GPC5: variants seen among roughly 807,000 people sequenced by gnomAD.
GPC5 encodes the protein glypican-5.
Under a neutral mutation model 53.9 loss-of-function variants are expected in GPC5, and 47 were observed. That is an observed-to-expected ratio of 0.87 (90% CI 0.69 to 1.11). The LOEUF (loss-of-function observed/expected upper bound fraction) is 1.11. Among genes scored for constraint, GPC5 ranks in the 50% most tolerant of loss-of-function variants. The pLI, the probability that GPC5 is intolerant of heterozygous loss-of-function variation, is 0.00. For missense variants in GPC5, 748 were observed against 713.1 expected (o/e 1.05, Z -0.56); for synonymous variants, 286 against 263.3 (o/e 1.09, Z -0.84).
chr13:92,079,781 A>G (rs919133996), intron 6 of GPC5, among the ~76,000 whole-genome samples: 4 of 152,200 alleles, frequency 2.6e-5, no homozygotes, highest in African/African-American at 9.7e-5. Context: ...AATTGAGCTT[A>G]CATTCCCATG....
intron 7 of GPC5, among the ~76,000 whole-genome samples, chr13:92,407,997 C>A (rs1037938500): frequency 2.0e-5 from 3 of 152,172 alleles, no homozygotes; most frequent in African/African-American, 7.2e-5. Flanking sequence ...GGTCCCCAAG[C>A]CATGGCCGCC....
In GPC5 at chr13:92,012,772, TTAAAA is replaced by T. The variant is rs2040673206; in HGVS notation, c.1401+104719_1401+104723del. On this transcript the variant is annotated intron_variant, in intron 6 of 7. Coordinates refer to ENST00000377067, the MANE Select transcript of GPC5 (RefSeq NM_004466.6). ...GTTTACATTTTATTATAAAATAACT[TTAAAA>T]TAAGAATTAAGAATTACTGATGCTG... Among the ~76,000 whole-genome samples the T allele has an allele frequency of 2.6e-5, 4 of 152,330 alleles. No individual in the cohort carries two copies. The East Asian group carries it at 5.8e-4, about 22-fold the overall frequency.
At chr13:91,658,995 T>G (rs1447121390) in intron 2 of GPC5, among the ~76,000 whole-genome samples, 1 of 152,196 alleles carries the variant, frequency 6.6e-6, no homozygotes, top group Admixed American at 6.6e-5. Context: ...TGTACTGCAT[T>G]TTTTTACTAT....
chr13:92,664,234 G>T (rs1886494146), intron 7 of GPC5, among the ~76,000 whole-genome samples: 1 of 151,860 alleles, frequency 6.6e-6, no homozygotes, highest in Admixed American at 6.6e-5. Context: ...TGAGCACAAG[G>T]GGCTGAGAAG....
In GPC5 at chr13:92,481,166, T is replaced by C. The variant is rs528159225; in HGVS notation, c.1561+336177T>C. 5.3e-5 allele frequency among the ~76,000 whole-genome samples: 8 copies of C among 152,112 alleles called. No individual in the cohort carries two copies. In the South Asian group the frequency reaches 1.2e-3, roughly 24 times the overall value. On this transcript the variant is annotated intron_variant, in intron 7 of 7. Coordinates refer to ENST00000377067, the MANE Select transcript of GPC5 (RefSeq NM_004466.6). The stretch of plus-strand genomic sequence containing the variant: ...CCCATGCTGGAGTGCAGTGGTGTGA[T>C]CTCTGCTTACTGCAAGCTCTGCCTC...
rs545657300 is a variant in GPC5 at position 91,985,695 on chromosome 13, C to T, written c.1401+77638C>T. On this transcript the variant is annotated intron_variant, in intron 6 of 7. Transcript: ENST00000377067. ...CACTTTTATTACTTCCCAAACAATC[C>T]AAGAAACTTTCTACTACTTAACTTT... is the stretch of plus-strand genomic sequence containing the variant. 7.2e-5 allele frequency among the ~76,000 whole-genome samples: 11 copies of T among 152,118 alleles called. No individual in the cohort carries two copies. The East Asian group carries it at 1.9e-3, about 27-fold the overall frequency.
chr13:92,031,748 T>TGTA lies in GPC5; in HGVS notation c.1402-113082_1402-113081insGTA, dbSNP rs1362766932. 4.5e-4 allele frequency among the ~76,000 whole-genome samples: 38 copies of TGTA among 84,824 alleles called. 7 individuals are homozygous for TGTA. Among genetic ancestry groups the TGTA allele is most frequent in the African/African-American group, 1.9e-3 (35 of 18,178 alleles). 55.6% of individuals were successfully genotyped at this position (84,824 alleles called of 152,430 possible). On this transcript the variant is annotated intron_variant, in intron 6 of 7. Coordinates refer to ENST00000377067, the MANE Select transcript of GPC5 (RefSeq NM_004466.6). ...AATATATTACATATTATATATAATA[T>TGTA]ATATTATATTACATATTATATATAA...
At chr13:92,723,532 T>A (rs1888559105) in intron 7 of GPC5, among the ~76,000 whole-genome samples, 1 of 151,694 alleles carries the variant, frequency 6.6e-6, no homozygotes, top group Non-Finnish European at 1.5e-5. Flanking sequence ...ACTACACCCC[T>A]TCTCATCCAC....
intron 6 of GPC5, among the ~76,000 whole-genome samples, chr13:91,987,158 AATAAG>A (rs1157186571): frequency 6.6e-6 from 1 of 152,238 alleles, no homozygotes; most frequent in Non-Finnish European, 1.5e-5. Context: ...ATAGAATTTA[AATAAG>A]ATATTACCCC....
At chr13:92,695,701 G>GT (rs200591293) in intron 7 of GPC5, among the ~76,000 whole-genome samples, 1,743 of 141,728 alleles carry the variant, frequency 0.012, 38 homozygotes, top group East Asian at 0.099. Context: ...AATTTTATGA[G>GT]TTTTTTTTTT....
At chr13:92,091,248 A>T (rs140634962) in intron 6 of GPC5, among the ~76,000 whole-genome samples, 3 of 152,262 alleles carry the variant, frequency 2.0e-5, no homozygotes, top group Admixed American at 6.5e-5. Context: ...AAACTAAAAC[A>T]TTTGGAATTT....
chr13:91,545,913 G>C (rs1328067270), intron 2 of GPC5, among the ~76,000 whole-genome samples: 1 of 151,896 alleles, frequency 6.6e-6, no homozygotes, highest in Admixed American at 6.6e-5. Context: ...TAATATACTT[G>C]GTTAGTATAT....
chr13:91,444,980 C>T (rs1291786178), intron 1 of GPC5, among the ~76,000 whole-genome samples: 1 of 152,158 alleles, frequency 6.6e-6, no homozygotes, highest in Non-Finnish European at 1.5e-5. Context: ...GTCTTCCACC[C>T]ACAAATTGAA....
At chr13:91,824,431 C>T (rs1014293235) in intron 5 of GPC5, among the ~76,000 whole-genome samples, 3 of 152,124 alleles carry the variant, frequency 2.0e-5, no homozygotes, top group Non-Finnish European at 4.4e-5. Context: ...GCTCAGTATT[C>T]ATTGTAGATT....
At chr13:91,907,389 T>A (rs1417780346) in intron 5 of GPC5, among the ~76,000 whole-genome samples, 1 of 144,902 alleles carries the variant, frequency 6.9e-6, no homozygotes, top group Non-Finnish European at 1.5e-5. Flanking sequence ...ATATATATAA[T>A]ATATATTAGG....
intron 7 of GPC5, among the ~76,000 whole-genome samples, chr13:92,270,216 C>T (rs2042830722): frequency 6.6e-6 from 1 of 152,084 alleles, no homozygotes; most frequent in Admixed American, 6.5e-5. Flanking sequence ...AATGGTTCTT[C>T]CCATTATATA....
intron 6 of GPC5, among the ~76,000 whole-genome samples, chr13:91,968,231 T>A (rs2040207617): frequency 1.3e-5 from 2 of 152,092 alleles, no homozygotes; most frequent in African/African-American, 4.8e-5. Flanking sequence ...TCCTCATGTA[T>A]TTTTTCCTAT....
At chr13:91,634,457 A>G (rs914255770) in intron 2 of GPC5, among the ~76,000 whole-genome samples, 5 of 151,880 alleles carry the variant, frequency 3.3e-5, no homozygotes, top group Non-Finnish European at 1.5e-5. Flanking sequence ...TATAATCTTG[A>G]TGTAAGTTGA....
At chr13:91,937,674 A>G (rs1481266833) in intron 6 of GPC5, among the ~76,000 whole-genome samples, 1 of 152,114 alleles carries the variant, frequency 6.6e-6, no homozygotes. Flanking sequence ...CCAAGATTGG[A>G]TAGACAGAAA....
Sources: gnomAD v4.1 joint callset for allele counts (sites outside exome capture counted in the v4.1 genomes callset) on GRCh38, gnomAD v4.1.1 for gene constraint, MANE v1.5 for transcripts, NCBI Gene and HGNC (gene_info 2026-07-23, HGNC 2026-07-21) for gene names.